Variants in CSGALNACT1 observed in about 807,000 individuals in gnomAD.
CSGALNACT1 encodes the protein beta4GalNAcT-1.
CSGALNACT1 carries 52 observed loss-of-function variants against 51.0 expected under a neutral mutation model. The ratio of observed to expected loss-of-function variants is 1.02; its 90% CI spans 0.82 to 1.29. The LOEUF (loss-of-function observed/expected upper bound fraction) is 1.29. Among genes scored for constraint, CSGALNACT1 ranks in the 50% most tolerant of loss-of-function variants. The probability of loss-of-function intolerance (pLI) is 0.00; values close to 1 mark genes in which losing one functional copy is unlikely to be tolerated. For missense variants in CSGALNACT1, 935 were observed against 679.2 expected (o/e 1.38, Z -4.19); for synonymous variants, 341 against 254.4 (o/e 1.34, Z -3.24).
chr8:19,712,088 C>T (rs925733425), intron 1 of CSGALNACT1, among the ~76,000 whole-genome samples: 3 of 152,086 alleles, frequency 2.0e-5, no homozygotes, highest in African/African-American at 4.8e-5. Flanking sequence ...TGCAGTGGCG[C>T]GATCTCGGCT....
intron 1 of CSGALNACT1, among the ~76,000 whole-genome samples, chr8:19,622,713 A>C (rs1216689185): frequency 6.6e-6 from 1 of 152,210 alleles, no homozygotes; most frequent in Non-Finnish European, 1.5e-5. Flanking sequence ...TGTAACCACT[A>C]CAAGAATGTA....
chr8:19,612,599 G>C lies in CSGALNACT1; in HGVS notation c.-543-10734C>G, dbSNP rs557211948. ...ACCATCTTTTTCACGTGATAAGCAC[G>C]CAAGAGTTAATTTGGGCTTTCAAGG... On this transcript the variant is annotated intron_variant, in intron 1 of 9. Coordinates refer to the CSGALNACT1 transcript ENST00000332246. 1.3e-4 allele frequency among the ~76,000 whole-genome samples: 20 copies of C among 152,046 alleles called. 1 individual carries two copies. Among genetic ancestry groups the C allele is most frequent in the Admixed American group, 1.2e-3 (19 of 15,256 alleles).
chr8:19,641,274 C>T (rs891749352), intron 1 of CSGALNACT1, among the ~76,000 whole-genome samples: 7 of 152,096 alleles, frequency 4.6e-5, no homozygotes, highest in South Asian at 2.1e-4. Flanking sequence ...AATCCCTACC[C>T]GTCCTGGGGA....
chr8:19,655,150 G>A (rs1411025583), intron 1 of CSGALNACT1, among the ~76,000 whole-genome samples: 1 of 152,086 alleles, frequency 6.6e-6, no homozygotes, highest in Non-Finnish European at 1.5e-5. Flanking sequence ...TTCCTGGAAT[G>A]GTGCAAAGAT....
chr8:19,687,910 A>G (rs2154213077), intron 1 of CSGALNACT1, among the ~76,000 whole-genome samples: 1 of 152,336 alleles, frequency 6.6e-6, no homozygotes, highest in East Asian at 1.9e-4. Flanking sequence ...GAGGAAAAAG[A>G]ATCAAGTTTC....
chr8:19,534,142 G>A (rs533458250), intron 3 of CSGALNACT1, among the ~76,000 whole-genome samples: 1 of 152,230 alleles, frequency 6.6e-6, no homozygotes, highest in Non-Finnish European at 1.5e-5. Flanking sequence ...CAAGTTCATA[G>A]TTCAATGTAA....
chr8:19,410,413 G>C (rs1028475536), intron 8 of CSGALNACT1, among the ~76,000 whole-genome samples: 1 of 152,278 alleles, frequency 6.6e-6, no homozygotes, highest in Non-Finnish European at 1.5e-5. Context: ...CCATTGCAGC[G>C]AATAGACTAA....
chr8:19,498,200 C>T (rs190300020), intron 4 of CSGALNACT1, among the ~76,000 whole-genome samples: 4 of 152,272 alleles, frequency 2.6e-5, no homozygotes, highest in South Asian at 4.2e-4. Context: ...AGGCAGGTTA[C>T]CAGGTCTTTC....
chr8:19,513,843 A>T (rs1055465460), intron 3 of CSGALNACT1, among the ~76,000 whole-genome samples: 1 of 152,146 alleles, frequency 6.6e-6, no homozygotes. Context: ...TACAGTAAAA[A>T]TATAGTATTA....
intron 3 of CSGALNACT1, among the ~76,000 whole-genome samples, chr8:19,509,361 T>A (rs1482914003): frequency 6.6e-6 from 1 of 152,110 alleles, no homozygotes; most frequent in Non-Finnish European, 1.5e-5. Flanking sequence ...GGCTCACACC[T>A]GTAATCCCAG....
rs186715325 is a variant in CSGALNACT1, at chr8:19,737,946, A to T, written c.-297+19904T>A. ...ACAGAGTTTCAGTTTGACAATATTA[A>T]AAGAGTTCTGGAGATGGGCAGTGGT... On this transcript the variant is annotated intron_variant, in intron 1 of 1. Transcript: ENST00000517494. Among the ~76,000 whole-genome samples the T allele has an allele frequency of 6.3e-3, 966 of 152,356 alleles. 3 individuals carry two copies. The highest frequency in any genetic ancestry group is 9.5e-3 in the Non-Finnish European group (645 of 68,032).
intron 3 of CSGALNACT1, among the ~76,000 whole-genome samples, chr8:19,513,426 C>CTATA (rs2078845864): frequency 2.3e-5 from 2 of 85,436 alleles, no homozygotes; most frequent in South Asian, 7.8e-4. Context: ...CTCTCTCTCT[C>CTATA]TCTCTCTCTC....
At chr8:19,547,702 G>T (rs186085032) in intron 3 of CSGALNACT1, among the ~76,000 whole-genome samples, 35 of 152,248 alleles carry the variant, frequency 2.3e-4, no homozygotes, top group Admixed American at 1.2e-3. Flanking sequence ...TAATACCGTA[G>T]AATACAATAA....
At chr8:19,572,875 G>A (rs531648643) in intron 3 of CSGALNACT1, among the ~76,000 whole-genome samples, 12 of 152,222 alleles carry the variant, frequency 7.9e-5, no homozygotes, top group South Asian at 6.2e-4. Context: ...TAAATAATCC[G>A]TAATGAGATA....
intron 1 of CSGALNACT1, among the ~76,000 whole-genome samples, chr8:19,660,034 A>G (rs1004291156): frequency 4.4e-4 from 67 of 152,380 alleles, no homozygotes; most frequent in African/African-American, 1.4e-3. Flanking sequence ...TCCCAGTCTT[A>G]TAGATGGGGA....
At chr8:19,469,515 A>T (rs1563575796) in intron 4 of CSGALNACT1, among the ~76,000 whole-genome samples, 1 of 152,208 alleles carries the variant, frequency 6.6e-6, no homozygotes, top group Non-Finnish European at 1.5e-5. Context: ...TAGATTTGAA[A>T]AATGATAAGG....
chr8:19,656,953 C>G (rs2058333534), intron 1 of CSGALNACT1, among the ~76,000 whole-genome samples: 1 of 151,522 alleles, frequency 6.6e-6, no homozygotes, highest in South Asian at 2.1e-4. Flanking sequence ...GTAGTCCCAG[C>G]TATTCAGGAG....
chr8:19,412,846 A>G (rs2056128230), intron 8 of CSGALNACT1, among the ~76,000 whole-genome samples: 3 of 151,972 alleles, frequency 2.0e-5, no homozygotes, highest in Admixed American at 6.5e-5. Flanking sequence ...CAGGCTGTCC[A>G]TTCCTTACTA....
chr8:19,531,377 C>G (rs565245332), intron 3 of CSGALNACT1, among the ~76,000 whole-genome samples: 1 of 152,324 alleles, frequency 6.6e-6, no homozygotes, highest in South Asian at 2.1e-4. Flanking sequence ...GAGACATATT[C>G]TGGACTGCTA....
Sources: allele counts gnomAD v4.1 joint callset (sites outside exome capture counted in the v4.1 genomes callset), GRCh38; gene constraint gnomAD v4.1.1; transcripts MANE v1.5; gene names NCBI Gene and HGNC (gene_info 2026-07-23, HGNC 2026-07-21).